PALM2AKAP2: variants seen among roughly 807,000 people sequenced by gnomAD.
The protein encoded by PALM2AKAP2 is PALM2-AKAP2 fusion protein.
Under a neutral mutation model 71.5 loss-of-function variants are expected in PALM2AKAP2, and 37 were observed. The observed-to-expected ratio is 0.52, with a 90% CI of 0.40 to 0.68. PALM2AKAP2 has a LOEUF of 0.68. Ranked by LOEUF, PALM2AKAP2 falls within the 30% of genes least tolerant of loss-of-function variation. The pLI is 0.00. For missense variants in PALM2AKAP2, 1,224 were observed against 1,191.8 expected (o/e 1.03, Z -0.40); for synonymous variants, 468 against 478.8 (o/e 0.98, Z 0.29).
intron 1 of PALM2AKAP2, among the ~76,000 whole-genome samples, chr9:109,706,645 G>A (rs1229036903): frequency 6.6e-6 from 1 of 152,118 alleles, no homozygotes; most frequent in African/African-American, 2.4e-5. Flanking sequence ...TGCCAAAAAA[G>A]TAGAAACAAC....
chr9:109,745,961 A>G (rs765530927), intron 1 of PALM2AKAP2, among the ~76,000 whole-genome samples: 28 of 152,348 alleles, frequency 1.8e-4, no homozygotes, highest in African/African-American at 6.5e-4. Flanking sequence ...ACTAGCCTGC[A>G]GAGCTTGGCA....
At chr9:109,731,540 C>A (rs1178916628) in intron 1 of PALM2AKAP2, among the ~76,000 whole-genome samples, 1 of 152,102 alleles carries the variant, frequency 6.6e-6, no homozygotes, top group Admixed American at 6.5e-5. Flanking sequence ...TTAAAATATG[C>A]TTTTCTTTGT....
chr9:109,821,228 T>C (rs1231260369), intron 1 of PALM2AKAP2, among the ~76,000 whole-genome samples: 1 of 152,170 alleles, frequency 6.6e-6, no homozygotes, highest in Non-Finnish European at 1.5e-5. Context: ...GCTTAATAAT[T>C]GTCTTTGACG....
chr9:110,164,866 CCCTTTT>C (rs1250295033), intron 3 of PALM2AKAP2, among the ~76,000 whole-genome samples: 1 of 151,782 alleles, frequency 6.6e-6, no homozygotes, highest in Non-Finnish European at 1.5e-5. Context: ...TTTTTGTTTT[CCCTTTT>C]CCATTTCCAT....
In PALM2AKAP2 at chr9:110,020,543, C is replaced by T. The variant is rs149989883; in HGVS notation, c.582+4504C>T. 8.1e-3 allele frequency among the ~76,000 whole-genome samples: 1,229 copies of T among 151,804 alleles called. 13 individuals carry two copies. Among genetic ancestry groups the T allele is most frequent in the Middle Eastern group, 0.024 (7 of 294 alleles). ...ACTAAAAATATAAAAATTACCCGGGCGTGGTGATGCATGCCTGTAATCCCA... is the reference window on the plus strand; with the variant it reads ...ACTAAAAATATAAAAATTACCCGGGTGTGGTGATGCATGCCTGTAATCCCA... On this transcript the variant is annotated intron_variant, in intron 7 of 9. Coordinates refer to the PALM2AKAP2 transcript ENST00000302798.
chr9:109,895,753 G>T (rs1401329755), intron 3 of PALM2AKAP2, among the ~76,000 whole-genome samples: 2 of 152,164 alleles, frequency 1.3e-5, no homozygotes, highest in Non-Finnish European at 2.9e-5. Flanking sequence ...CCTGAGACTG[G>T]GTAATTTATA....
At chr9:109,744,659 T>G (rs1238195019) in intron 1 of PALM2AKAP2, among the ~76,000 whole-genome samples, 3 of 152,224 alleles carry the variant, frequency 2.0e-5, no homozygotes, top group South Asian at 2.1e-4. Context: ...CAAACAAGGC[T>G]TTATTGCCCC....
chr9:109,647,686 C>T (rs924043956), intron 1 of PALM2AKAP2, among the ~76,000 whole-genome samples: 2 of 152,180 alleles, frequency 1.3e-5, no homozygotes, highest in African/African-American at 2.4e-5. Context: ...TGGTCGTGGT[C>T]TGTGCTCTTG....
chr9:109,841,433 T>G (rs1201836871), intron 1 of PALM2AKAP2, among the ~76,000 whole-genome samples: 1 of 136,340 alleles, frequency 7.3e-6, no homozygotes, highest in African/African-American at 2.8e-5. Flanking sequence ...AGTTAATGGG[T>G]GCAGCACACC....
chr9:109,889,710 C>A (rs1830042749), intron 3 of PALM2AKAP2, among the ~76,000 whole-genome samples: 1 of 152,176 alleles, frequency 6.6e-6, no homozygotes, highest in South Asian at 2.1e-4. Flanking sequence ...AGGAGGCCTG[C>A]CAGATGTACC....
chr9:110,090,149 G>A (rs1303513596), intron 1 of PALM2AKAP2: 4 of 302,976 alleles, frequency 1.3e-5, no homozygotes, highest in South Asian at 2.7e-5. Flanking sequence ...CGGAGAAGTC[G>A]GGCCGGTTCA....
At chr9:110,036,962 A>G (rs992113401) in intron 7 of PALM2AKAP2, among the ~76,000 whole-genome samples, 2 of 152,170 alleles carry the variant, frequency 1.3e-5, no homozygotes, top group Admixed American at 6.6e-5. Context: ...TCCTACTGCC[A>G]TCAATATCTA....
intron 1 of PALM2AKAP2, among the ~76,000 whole-genome samples, chr9:110,101,748 C>T (rs570581409): frequency 6.6e-6 from 1 of 152,344 alleles, no homozygotes; most frequent in East Asian, 1.9e-4. Context: ...TGCTTGCATG[C>T]TTTCAAATGT....
chr9:109,911,050 C>T (rs550664702), intron 3 of PALM2AKAP2, among the ~76,000 whole-genome samples: 78 of 152,190 alleles, frequency 5.1e-4, no homozygotes, highest in Non-Finnish European at 9.9e-4. Flanking sequence ...GGGTATCCTC[C>T]CAGATCAGTC....
intron 1 of PALM2AKAP2, among the ~76,000 whole-genome samples, chr9:109,799,364 G>T (rs1012018239): frequency 2.6e-5 from 4 of 152,220 alleles, no homozygotes; most frequent in African/African-American, 9.6e-5. Context: ...CTGCTGTGGT[G>T]GCAGAGTGGA....
intron 1 of PALM2AKAP2, among the ~76,000 whole-genome samples, chr9:109,713,271 T>C (rs1033622747): frequency 2.6e-5 from 4 of 152,206 alleles, no homozygotes; most frequent in African/African-American, 9.6e-5. Context: ...GGTTTTCTCT[T>C]TTCCCAGCCT....
intron 1 of PALM2AKAP2, among the ~76,000 whole-genome samples, chr9:109,773,370 C>T (rs1259514880): frequency 6.6e-6 from 1 of 152,112 alleles, no homozygotes; most frequent in African/African-American, 2.4e-5. Flanking sequence ...CTCCTGGCCT[C>T]AAGCTATCCT....
intron 1 of PALM2AKAP2, among the ~76,000 whole-genome samples, chr9:109,684,630 C>T (rs1313839841): frequency 2.0e-5 from 3 of 152,152 alleles, no homozygotes; most frequent in East Asian, 1.9e-4. Flanking sequence ...ACCAAGTACC[C>T]GACAAGTACT....
intron 2 of PALM2AKAP2, among the ~76,000 whole-genome samples, chr9:109,872,320 A>G (rs1434389918): frequency 6.6e-6 from 1 of 152,208 alleles, no homozygotes; most frequent in Non-Finnish European, 1.5e-5. Flanking sequence ...ATACTAGAGC[A>G]GAAGGAATTT....
Sources: gnomAD v4.1 joint callset for allele counts (sites outside exome capture counted in the v4.1 genomes callset) on GRCh38, gnomAD v4.1.1 for gene constraint, MANE v1.5 for transcripts, NCBI Gene and HGNC (gene_info 2026-07-23, HGNC 2026-07-21) for gene names.